The following USP54 variants were observed in gnomAD, a reference collection of about 807,000 sequenced individuals.
The protein encoded by USP54 is ubiquitin specific peptidase 54, also known as ubiquitin carboxyl-terminal hydrolase 54.
A neutral mutation model predicts 170.5 loss-of-function variants in USP54; 87 were observed. The ratio of observed to expected loss-of-function variants is 0.51; its 90% confidence interval spans 0.43 to 0.61. The LOEUF (loss-of-function observed/expected upper bound fraction) is 0.61, where lower values mean the gene tolerates loss of function less well. Among genes scored for constraint, USP54 ranks in the 20% least tolerant of loss-of-function variants. USP54 has a pLI of 0.00. For missense variants in USP54, 1,786 were observed against 2,047.8 expected (o/e 0.87, Z 2.47); for synonymous variants, 655 against 742.8 (o/e 0.88, Z 1.92).
rs2081011314 is a variant in USP54, at chr10:73,620,567, C to A, written c.-18+5000G>T. Among the ~76,000 whole-genome samples the A allele has an allele frequency of 2.0e-5, 3 of 148,086 alleles. No individual in the cohort carries two copies. In the South Asian group the frequency reaches 6.3e-4, roughly 31 times the overall value. On this transcript the variant is annotated intron_variant, in intron 1 of 22. Transcript: ENST00000339859. Reference sequence around the variant, plus strand: ...TGAACTCCTGGCCTCAAGCAATCCTCCTGCCTTAGCCTCCCAAAGTGCTGG... The same window carrying A: ...TGAACTCCTGGCCTCAAGCAATCCTACTGCCTTAGCCTCCCAAAGTGCTGG...
At chr10:73,559,194 GT>G (rs2072111359) in intron 4 of USP54, among the ~76,000 whole-genome samples, 1 of 152,076 alleles carries the variant, frequency 6.6e-6, no homozygotes, top group South Asian at 2.1e-4. Flanking sequence ...GCCAAGACAG[GT>G]GGATCACCTG....
chr10:73,550,856 C>CA (rs1445469260), intron 4 of USP54, among the ~76,000 whole-genome samples: 1 of 152,140 alleles, frequency 6.6e-6, no homozygotes, highest in African/African-American at 2.4e-5. Context: ...CCTGCAATCC[C>CA]AGCACTTTGG....
intron 1 of USP54, among the ~76,000 whole-genome samples, chr10:73,588,296 C>T (rs1459718225): frequency 6.6e-6 from 1 of 152,070 alleles, no homozygotes; most frequent in Non-Finnish European, 1.5e-5. Context: ...CTTGGCTCAC[C>T]GCAACCTCCG....
intron 11 of USP54, 80 bp downstream of exon 11, chr10:73,536,189 G>A (rs2065174633): frequency 1.9e-6 from 3 of 1,547,042 alleles, no homozygotes; most frequent in Non-Finnish European, 1.8e-6. Context: ...TACGAGCTAA[G>A]CACATAATTA....
upstream of USP54, chr10:73,591,557 C>T (rs981997253): frequency 6.6e-6 from 1 of 152,090 alleles, no homozygotes; most frequent in African/African-American, 2.4e-5. Flanking sequence ...GTGGAGCTTC[C>T]AATTAAAAAC....
chr10:73,508,807 A>G (rs1009841087), intron 20 of USP54, among the ~76,000 whole-genome samples: 2 of 151,666 alleles, frequency 1.3e-5, no homozygotes. Context: ...AGCTGGGACT[A>G]CAGGTGCATG....
At position 73,530,359 on chromosome 10, in the gene USP54, C is replaced by G; in HGVS notation, c.1612G>C (p.Asp538His). ...VGSHCRGRGGDQPDKKPPRTL... is the reference protein window; with the variant it reads ...VGSHCRGRGGHQPDKKPPRTL... The stretch of plus-strand genomic sequence containing the variant: ...CTAGGAGGTTTTTTGTCAGGCTGGT[C>G]TCCTCCTCTGCCCCTGCAGTGAGAG... The change falls in exon 14 of 24, where the codon GAC (aspartate) becomes CAC (histidine). Residue 538 changes from aspartate (D) to histidine (H), a missense_variant. Asp to His is a moderately conservative substitution (Grantham distance 81). Transcript: ENST00000687698. 1.9e-6 allele frequency: 3 copies of G among 1,614,088 alleles called. No homozygotes were observed. Among genetic ancestry groups the G allele is most frequent in the Non-Finnish European group, 2.5e-6 (3 of 1,180,022 alleles).
chr10:73,512,217 G>A (rs547520189), intron 20 of USP54, among the ~76,000 whole-genome samples: 13 of 151,864 alleles, frequency 8.6e-5, no homozygotes, highest in Middle Eastern at 6.9e-3. Flanking sequence ...ACAGCTCGCC[G>A]CAGCCTCAAC....
intron 1 of USP54, among the ~76,000 whole-genome samples, chr10:73,599,055 G>A (rs2078967829): frequency 6.6e-6 from 1 of 152,144 alleles, no homozygotes; most frequent in Admixed American, 6.5e-5. Context: ...TTCCAGCCTG[G>A]GCAACAGAGC....
In USP54 at chr10:73,539,745, A is replaced by G. The variant is rs959223550; in HGVS notation, c.826-152T>C. 3 of 890,330 alleles carry G rather than the reference A, an allele frequency of 3.4e-6. No homozygotes were observed. The African/African-American group carries it at 5.0e-5, about 15-fold the overall frequency. The allele number at this position is 890,330 out of a possible 1,614,324, so 55.2% of individuals were successfully genotyped here. ...TTTTTGTTAGTTTAGATTAATCATC[A>G]GAATTTAACTTCAGCACTTTGTGAG... On this transcript the variant is annotated intron_variant, in intron 9 of 23. Coordinates refer to ENST00000687698, the MANE Select transcript of USP54 (RefSeq NM_001391956.1).
At chr10:73,581,302 T>C (rs1345774609) in intron 1 of USP54, among the ~76,000 whole-genome samples, 1 of 152,246 alleles carries the variant, frequency 6.6e-6, no homozygotes, top group Non-Finnish European at 1.5e-5. Context: ...TCTTATTACG[T>C]ATTTCCTTGT....
At position 73,517,318 on chromosome 10, in the gene USP54, G is replaced by A. The variant is rs377006085; in HGVS notation, c.3108C>T (p.Ser1036=). 1.2e-6 allele frequency: 2 copies of A among 1,612,574 alleles called. No individual in the cohort carries two copies. The highest frequency in any genetic ancestry group is 1.7e-6 in the Non-Finnish European group (2 of 1,179,304). ...FQEKKDPANP[S]PVMPGIATSE... is the part of the protein sequence containing the mutation. ...AGGTGGCTATTCCAGGCATCACCGG[G>A]GAGGGGTTAGCAGGATCCTTCTTTT... The change falls in exon 20 of 24, where the codon TCC becomes TCT. Residue 1036 remains serine, a synonymous_variant. Transcript: ENST00000687698.
chr10:73,566,420 G>C (rs550280962), intron 4 of USP54, among the ~76,000 whole-genome samples: 2 of 151,710 alleles, frequency 1.3e-5, no homozygotes, highest in Non-Finnish European at 1.5e-5. Flanking sequence ...TAAATATATA[G>C]GTAGTAAAAC....
intron 4 of USP54, chr10:73,546,741 G>A (rs951093335): frequency 6.6e-6 from 1 of 152,040 alleles, no homozygotes; most frequent in Non-Finnish European, 1.5e-5. Flanking sequence ...TATAGATATA[G>A]ACCTGGTACA....
chr10:73,617,756 T>C (rs1048238834), intron 1 of USP54, among the ~76,000 whole-genome samples: 1 of 149,250 alleles, frequency 6.7e-6, no homozygotes, highest in African/African-American at 2.6e-5. Context: ...AAAACTTTTT[T>C]AAAATTAGCT....
intron 17 of USP54, among the ~76,000 whole-genome samples, chr10:73,521,299 C>T (rs1487150838): frequency 6.6e-6 from 1 of 152,188 alleles, no homozygotes. Flanking sequence ...AAGGAAGGAG[C>T]TCCAGTGGTG....
At chr10:73,589,821 A>C (rs1172032023) in intron 1 of USP54, among the ~76,000 whole-genome samples, 1 of 152,162 alleles carries the variant, frequency 6.6e-6, no homozygotes, top group Non-Finnish European at 1.5e-5. Context: ...AAAGGAGAAT[A>C]TCTATAAAGA....
At chr10:73,529,538 G>A (rs375894609) in intron 15 of USP54, 142 bp downstream of exon 15, 33 of 902,582 alleles carry the variant, frequency 3.7e-5, no homozygotes, top group East Asian at 2.9e-4. Flanking sequence ...AGAGGGTGCT[G>A]TTGTTATAGG....
At chr10:73,518,051 A>C in intron 19 of USP54, 1 of 548,702 alleles carries the variant, frequency 1.8e-6, no homozygotes, top group Non-Finnish European at 2.3e-6. Flanking sequence ...GTCGCATTCC[A>C]ATCACATTCT....
Sources: allele counts gnomAD v4.1 joint callset (sites outside exome capture counted in the v4.1 genomes callset), GRCh38; gene constraint gnomAD v4.1.1; transcripts MANE v1.5; gene names NCBI Gene and HGNC (gene_info 2026-07-23, HGNC 2026-07-21).